Variants in WDR27 observed in about 807,000 individuals in gnomAD.
WDR27 encodes WD repeat-containing protein 27.
In WDR27, 100 loss-of-function variants were observed where a neutral mutation model predicts 114.4. The observed-to-expected ratio is 0.87, with a 90% CI of 0.74 to 1.03. WDR27 has a LOEUF of 1.03. WDR27 is among the 50% of genes least tolerant of loss of function. WDR27 has a pLI of 0.00. For synonymous variants in WDR27, 449 were observed against 423.1 expected (o/e 1.06, Z -0.75); for missense variants, 1,129 against 1,092.9 (o/e 1.03, Z -0.47).
chr6:169,481,448 C>A (rs770320107), intron 25 of WDR27, among the ~76,000 whole-genome samples: 4 of 152,212 alleles, frequency 2.6e-5, no homozygotes, highest in African/African-American at 4.8e-5. Flanking sequence ...GCAACCTGCT[C>A]GGGTTCCCTT....
At chr6:169,607,378 A>G (rs1466937458) in intron 22 of WDR27, among the ~76,000 whole-genome samples, 1 of 149,906 alleles carries the variant, frequency 6.7e-6, no homozygotes, top group Non-Finnish European at 1.5e-5. Context: ...AAAATGTAGT[A>G]TACTTGTGTG....
intron 25 of WDR27, among the ~76,000 whole-genome samples, chr6:169,473,917 T>G (rs931197361): frequency 6.6e-6 from 1 of 152,256 alleles, no homozygotes; most frequent in Non-Finnish European, 1.5e-5. Context: ...TGGCCTCTGC[T>G]TCTCTGTTTC....
the WDR27 span, among the ~76,000 whole-genome samples, chr6:169,444,252 A>C: frequency 6.6e-6 from 1 of 152,124 alleles, no homozygotes; most frequent in African/African-American, 2.4e-5. Flanking sequence ...TCACCTGCCC[A>C]CCCTCTACTT....
At chr6:169,608,014 C>T (rs560448274) in intron 22 of WDR27, among the ~76,000 whole-genome samples, 115 of 152,256 alleles carry the variant, frequency 7.6e-4, no homozygotes, top group South Asian at 3.5e-3. Context: ...TAGCCTATTG[C>T]TCCTAGGCTA....
intron 25 of WDR27, among the ~76,000 whole-genome samples, chr6:169,458,436 C>A (rs894269014): frequency 3.1e-5 from 4 of 130,984 alleles, no homozygotes; most frequent in Non-Finnish European, 6.2e-5. Flanking sequence ...AGTCAGCGCC[C>A]TTGACCCTCC....
At chr6:169,638,319 T>C (rs1245846592) in intron 18 of WDR27, among the ~76,000 whole-genome samples, 2 of 85,130 alleles carry the variant, frequency 2.3e-5, no homozygotes, top group Non-Finnish European at 4.3e-5. Flanking sequence ...CGAGACTCCG[T>C]CTCAAAAAAA....
intron 4 of WDR27, 104 bp from the exon 5 acceptor site, chr6:169,668,289 C>A: frequency 3.5e-6 from 4 of 1,149,014 alleles, no homozygotes; most frequent in East Asian, 5.0e-5. Flanking sequence ...AAAGCTCAGG[C>A]GACAGGCACA....
rs779716963 is a variant in WDR27, at chr6:169,566,744, A to C, written c.2645+5675T>G. Among the ~76,000 whole-genome samples, 13 of 152,226 alleles carry C rather than the reference A, an allele frequency of 8.5e-5. 1 individual carries two copies. Among genetic ancestry groups the C allele is most frequent in the South Asian group, 6.2e-4 (3 of 4,818 alleles). On this transcript the variant is annotated intron_variant, in intron 25 of 25. Transcript: ENST00000448612. ...ATACATCCTGTAGAAACGCTTTCTAAAAAGGATAATCAGATTCCAGTGTGG... is the reference window on the plus strand; with the variant it reads ...ATACATCCTGTAGAAACGCTTTCTACAAAGGATAATCAGATTCCAGTGTGG...
At chr6:169,625,137 G>C (rs2128205614) in intron 21 of WDR27, among the ~76,000 whole-genome samples, 1 of 152,342 alleles carries the variant, frequency 6.6e-6, no homozygotes, top group Non-Finnish European at 1.5e-5. Flanking sequence ...GAGTTCTTCT[G>C]GGTCCACGAT....
At chr6:169,650,914 G>GGAC (rs1321736175) in intron 14 of WDR27, among the ~76,000 whole-genome samples, 1 of 152,112 alleles carries the variant, frequency 6.6e-6, no homozygotes, top group Non-Finnish European at 1.5e-5. Flanking sequence ...GGTGCTGAGT[G>GGAC]CTGTCCCAGG....
intron 2 of WDR27, among the ~76,000 whole-genome samples, chr6:169,679,946 A>T (rs949043039): frequency 7.2e-5 from 11 of 152,266 alleles, no homozygotes; most frequent in African/African-American, 2.7e-4. Flanking sequence ...CATTGTATAC[A>T]TGAGAACAAA....
At position 169,457,915 on chromosome 6, in the gene WDR27, G is replaced by A. The variant is rs559285453; in HGVS notation, c.2646-281C>T. ...AAGGGCATGGAACATCCTGGTTAGC[G>A]CCTACACACCTCCTTCCAGGCAGAG... On this transcript the variant is annotated intron_variant, in intron 25 of 25. Coordinates refer to ENST00000448612, the MANE Select transcript of WDR27 (RefSeq NM_182552.5). Among the ~76,000 whole-genome samples, 46 of 148,264 alleles carry A rather than the reference G, an allele frequency of 3.1e-4. No homozygotes were observed. In the Middle Eastern group the frequency reaches 0.021, roughly 68 times the overall value.
intron 13 of WDR27, chr6:169,658,044 T>C (rs138333521): frequency 3.5e-4 from 152 of 430,180 alleles, no homozygotes; most frequent in Middle Eastern, 2.1e-3. Flanking sequence ...CTTGGGCACG[T>C]TGCTGAATCC....
At chr6:169,667,896 C>T (rs1219290574) in intron 5 of WDR27, 86 bp downstream of exon 5, 8 of 1,318,428 alleles carry the variant, frequency 6.1e-6, no homozygotes, top group Middle Eastern at 2.7e-4. Flanking sequence ...CGGCCGTGGC[C>T]GTGAAGCAAC....
intron 18 of WDR27, among the ~76,000 whole-genome samples, chr6:169,638,124 G>A (rs1818135290): frequency 1.2e-5 from 1 of 82,176 alleles, no homozygotes. Flanking sequence ...AGACCATCCT[G>A]GCTAACAAGG....
At chr6:169,599,041 G>T (rs1455790196) in intron 23 of WDR27, among the ~76,000 whole-genome samples, 2 of 151,996 alleles carry the variant, frequency 1.3e-5, no homozygotes, top group Non-Finnish European at 2.9e-5. Context: ...ACAACGTGCA[G>T]GTTTGTTACA....
intron 25 of WDR27, among the ~76,000 whole-genome samples, chr6:169,484,998 TTAGCCATA>T (rs1394898800): frequency 1.7e-4 from 26 of 152,302 alleles, no homozygotes; most frequent in African/African-American, 6.3e-4. Context: ...ACCCCTTCCT[TTAGCCATA>T]TACAAACATA....
At chr6:169,522,356 T>C (rs574149926) in intron 25 of WDR27, among the ~76,000 whole-genome samples, 1 of 152,174 alleles carries the variant, frequency 6.6e-6, no homozygotes, top group East Asian at 1.9e-4. Flanking sequence ...GAGAGATAGA[T>C]TGTAATGTAA....
intron 21 of WDR27, among the ~76,000 whole-genome samples, chr6:169,626,070 A>T (rs1814728924): frequency 1.3e-5 from 2 of 152,184 alleles, no homozygotes; most frequent in Admixed American, 1.3e-4. Context: ...CTTTTATCCT[A>T]AAAGCTGCTG....
Sources: gnomAD v4.1 joint callset for allele counts (sites outside exome capture counted in the v4.1 genomes callset) on GRCh38, gnomAD v4.1.1 for gene constraint, MANE v1.5 for transcripts, NCBI Gene and HGNC (gene_info 2026-07-23, HGNC 2026-07-21) for gene names.